The following RIT2 variants were observed in gnomAD, a reference collection of about 807,000 sequenced individuals.
RIT2 encodes GTP-binding protein Rit2.
RIT2 carries 24 observed loss-of-function variants against 23.7 expected under a neutral mutation model. That is an observed-to-expected ratio of 1.01 (90% CI 0.73 to 1.43). The LOEUF is 1.43. Ranked by LOEUF, RIT2 falls within the 40% of genes most tolerant of loss-of-function variation. RIT2 has a pLI of 0.00. For missense variants in RIT2, 236 were observed against 266.9 expected (o/e 0.88, Z 0.81); for synonymous variants, 107 against 91.1 (o/e 1.17, Z -0.99).
chr18:42,779,503 A>C (rs1380874073), intron 4 of RIT2, among the ~76,000 whole-genome samples: 1 of 152,192 alleles, frequency 6.6e-6, no homozygotes, highest in Non-Finnish European at 1.5e-5. Flanking sequence ...GATTAAATTC[A>C]AACTCTTCTA....
intron 2 of RIT2, among the ~76,000 whole-genome samples, chr18:42,994,122 A>T (rs1210085178): frequency 6.6e-6 from 1 of 152,000 alleles, no homozygotes; most frequent in Non-Finnish European, 1.5e-5. Flanking sequence ...TCTGTTCTGG[A>T]TCTCAAACAT....
chr18:42,882,818 G>A (rs1300754998), intron 4 of RIT2, among the ~76,000 whole-genome samples: 1 of 152,274 alleles, frequency 6.6e-6, no homozygotes, highest in East Asian at 1.9e-4. Flanking sequence ...TGCTCCTACA[G>A]ACTATGGGAA....
chr18:42,929,036 T>G (rs112974186), intron 3 of RIT2, among the ~76,000 whole-genome samples: 537 of 126,454 alleles, frequency 4.2e-3, no homozygotes, highest in Middle Eastern at 0.012. Flanking sequence ...AATATGGAGA[T>G]ATATATATAT....
intron 4 of RIT2, among the ~76,000 whole-genome samples, chr18:42,875,744 C>T (rs945787411): frequency 6.6e-6 from 1 of 151,986 alleles, no homozygotes; most frequent in African/African-American, 2.4e-5. Context: ...TCTCCTTTAC[C>T]CATCTCCACC....
At chr18:42,863,360 C>CA (rs1469427346) in intron 4 of RIT2, among the ~76,000 whole-genome samples, 1 of 152,088 alleles carries the variant, frequency 6.6e-6, no homozygotes, top group Non-Finnish European at 1.5e-5. Context: ...AAAAGCTTGA[C>CA]AAAATCAAAG....
intron 2 of RIT2, among the ~76,000 whole-genome samples, chr18:42,988,350 A>T (rs1406069970): frequency 3.3e-5 from 5 of 152,034 alleles, no homozygotes; most frequent in Non-Finnish European, 7.4e-5. Context: ...GATTTGACTA[A>T]TTTTTTTCCA....
chr18:43,001,824 T>C (rs1313113471), intron 2 of RIT2, among the ~76,000 whole-genome samples: 2 of 12,736 alleles, frequency 1.6e-4, no homozygotes, highest in Non-Finnish European at 7.0e-3. Flanking sequence ...TGAATACTTT[T>C]AAGCTGTTCT....
At chr18:42,909,038 A>G (rs1313981634) in intron 4 of RIT2, among the ~76,000 whole-genome samples, 2 of 152,136 alleles carry the variant, frequency 1.3e-5, no homozygotes, top group Non-Finnish European at 2.9e-5. Flanking sequence ...TGTTTATAGC[A>G]CCACAATTCA....
chr18:43,080,914 G>T (rs569316723), intron 1 of RIT2, among the ~76,000 whole-genome samples: 1 of 152,112 alleles, frequency 6.6e-6, no homozygotes, highest in African/African-American at 2.4e-5. Flanking sequence ...CACTTTTGAG[G>T]ATGAAAAAGG....
At chr18:42,860,450 G>C (rs1200083096) in intron 4 of RIT2, among the ~76,000 whole-genome samples, 1 of 152,154 alleles carries the variant, frequency 6.6e-6, no homozygotes, top group Admixed American at 6.5e-5. Flanking sequence ...TGAAAAAGTT[G>C]ATTTTAATAA....
At chr18:43,033,028 C>G (rs565824792) in intron 2 of RIT2, among the ~76,000 whole-genome samples, 4 of 152,100 alleles carry the variant, frequency 2.6e-5, no homozygotes, top group African/African-American at 9.7e-5. Context: ...AACCAGTCAG[C>G]CATGAGGCTA....
chr18:42,847,981 T>C (rs570349076), intron 4 of RIT2, among the ~76,000 whole-genome samples: 1 of 151,078 alleles, frequency 6.6e-6, no homozygotes, highest in Non-Finnish European at 1.5e-5. Context: ...GACACTGTGA[T>C]AGGCCTCCTA....
At chr18:43,024,537 T>G (rs1568059075) in intron 2 of RIT2, among the ~76,000 whole-genome samples, 1 of 151,854 alleles carries the variant, frequency 6.6e-6, no homozygotes, top group Non-Finnish European at 1.5e-5. Context: ...CAAAAACAAA[T>G]GCAACAAAAA....
At chr18:42,943,395 G>A (rs1400613684) in intron 3 of RIT2, among the ~76,000 whole-genome samples, 2 of 151,956 alleles carry the variant, frequency 1.3e-5, no homozygotes, top group African/African-American at 2.4e-5. Context: ...AGACAGAAAA[G>A]TTCTCCAAGT....
At chr18:43,107,009 C>T (rs1483640583) in intron 1 of RIT2, among the ~76,000 whole-genome samples, 1 of 152,158 alleles carries the variant, frequency 6.6e-6, no homozygotes, top group Non-Finnish European at 1.5e-5. Flanking sequence ...GTGCACCTTC[C>T]ATGTCTGTGA....
At chr18:42,839,597 T>C (rs2144021805) in intron 4 of RIT2, among the ~76,000 whole-genome samples, 1 of 152,304 alleles carries the variant, frequency 6.6e-6, no homozygotes, top group East Asian at 1.9e-4. Flanking sequence ...CTTCATGGTC[T>C]TCTTATAAAA....
chr18:42,880,766 G>A (rs1293527033), intron 4 of RIT2, among the ~76,000 whole-genome samples: 1 of 150,870 alleles, frequency 6.6e-6, no homozygotes, highest in African/African-American at 2.4e-5. Context: ...TAACAGCAAG[G>A]GCCTGTGTCC....
At position 42,928,344 on chromosome 18, in the gene RIT2, C is replaced by T. The variant is rs138699832; in HGVS notation, c.235-4581G>A. 4.2e-3 allele frequency among the ~76,000 whole-genome samples: 644 copies of T among 152,066 alleles called. 8 individuals carry two copies. The highest frequency in any genetic ancestry group is 0.015 in the African/African-American group (605 of 41,504). On this transcript the variant is annotated intron_variant, in intron 3 of 4. Transcript: ENST00000326695. Reference sequence around the variant, plus strand: ...GCAAGAACAGTTTTCAGAGGGAAGGCAAAGAGGGCTTGGTGAGGGAAAAGG... The same window carrying T: ...GCAAGAACAGTTTTCAGAGGGAAGGTAAAGAGGGCTTGGTGAGGGAAAAGG...
chr18:43,054,964 T>C (rs1291654551), intron 1 of RIT2, among the ~76,000 whole-genome samples: 3 of 152,134 alleles, frequency 2.0e-5, no homozygotes, highest in Non-Finnish European at 2.9e-5. Flanking sequence ...AGTTTTCAAT[T>C]ATAGCTGTGC....
Sources: allele counts gnomAD v4.1 joint callset (sites outside exome capture counted in the v4.1 genomes callset), GRCh38; gene constraint gnomAD v4.1.1; transcripts MANE v1.5; gene names NCBI Gene and HGNC (gene_info 2026-07-23, HGNC 2026-07-21).